PRICKLE1: variants seen among roughly 807,000 people sequenced by gnomAD.
PRICKLE1 encodes prickle planar cell polarity protein 1, also known as prickle-like protein 1.
PRICKLE1 carries 14 observed loss-of-function variants against 70.2 expected under a neutral mutation model. The ratio of observed to expected loss-of-function variants is 0.20; its 90% CI spans 0.13 to 0.31. The LOEUF (loss-of-function observed/expected upper bound fraction) is 0.31. PRICKLE1 is among the 10% of genes least tolerant of loss of function. The probability of loss-of-function intolerance (pLI) is 1.00; values close to 1 mark genes in which losing one functional copy is unlikely to be tolerated. For synonymous variants in PRICKLE1, 357 were observed against 379.9 expected (o/e 0.94, Z 0.70); for missense variants, 821 against 1,026.2 (o/e 0.80, Z 2.73).
rs563880241 is a variant in PRICKLE1, at chr12:42,491,727, A to T, written c.-48-19163T>A. Reference sequence around the variant, plus strand: ...CTAGTATGTTAAATGAGGGTGTGCAATCTAGTAGTTAGGGTTTTATACAAA... The same window carrying T: ...CTAGTATGTTAAATGAGGGTGTGCATTCTAGTAGTTAGGGTTTTATACAAA... On this transcript the variant is annotated intron_variant, in intron 1 of 7. Transcript: ENST00000345127. 1.0e-3 allele frequency among the ~76,000 whole-genome samples: 156 copies of T among 151,934 alleles called. 1 individual carries two copies. Among genetic ancestry groups the T allele is most frequent in the Non-Finnish European group, 1.6e-3 (111 of 67,964 alleles).
chr12:42,560,902 A>T (rs1269730908), intron 1 of PRICKLE1, among the ~76,000 whole-genome samples: 1 of 152,234 alleles, frequency 6.6e-6, no homozygotes, highest in Non-Finnish European at 1.5e-5. Flanking sequence ...AATTATTAAT[A>T]GAGTCCTATC....
intron 1 of PRICKLE1, among the ~76,000 whole-genome samples, chr12:42,490,803 T>A (rs536089868): frequency 6.6e-6 from 1 of 152,022 alleles, no homozygotes; most frequent in East Asian, 1.9e-4. Flanking sequence ...GGAATTGCCA[T>A]TTTTTTTCAC....
At chr12:42,504,802 G>A (rs953528040) in intron 1 of PRICKLE1, among the ~76,000 whole-genome samples, 2 of 151,938 alleles carry the variant, frequency 1.3e-5, no homozygotes, top group East Asian at 3.9e-4. Flanking sequence ...TTTTTCTCTC[G>A]TTGCAGACAG....
intron 1 of PRICKLE1, among the ~76,000 whole-genome samples, chr12:42,478,402 G>A (rs1669922): frequency 0.95 from 143,848 of 152,180 alleles, 68,289 homozygotes; most frequent in Non-Finnish European, 1. Context: ...GAAGGAGAAA[G>A]AAAAGCAAAA....
intron 1 of PRICKLE1, among the ~76,000 whole-genome samples, chr12:42,518,188 C>A (rs1939642661): frequency 6.6e-6 from 1 of 151,880 alleles, no homozygotes; most frequent in Middle Eastern, 3.2e-3. Context: ...GAAACACAGG[C>A]ATGCACCACC....
chr12:42,460,036 C>T lies in PRICKLE1; in HGVS notation c.2269G>A (p.Glu757Lys), dbSNP rs145860632. 9.1e-5 allele frequency: 147 copies of T among 1,614,070 alleles called. No individual in the cohort carries two copies. The African/African-American group carries it at 1.4e-3, about 15-fold the overall frequency. ...GMNRFLGLYG[E>K]DDDSWCSSSS... is the part of the protein sequence containing the mutation. ...GAAGAACACCAGGAATCATCATCCT[C>T]GCCGTAGAGTCCCAGAAACCGATTC... is the stretch of plus-strand genomic sequence containing the variant. Residue 757 changes from glutamate to lysine, a missense_variant, in exon 8 of 8, where the codon GAG becomes AAG. Physicochemically the swap from Glu to Lys is moderately conservative, Grantham distance 56. Transcript: ENST00000345127.
intron 1 of PRICKLE1, among the ~76,000 whole-genome samples, chr12:42,491,015 C>G (rs964818285): frequency 2.0e-5 from 3 of 151,562 alleles, no homozygotes; most frequent in African/African-American, 4.8e-5. Context: ...GCTGGGATTA[C>G]AGGTATGCGC....
At chr12:42,483,368 G>GC (rs1378920976) in intron 1 of PRICKLE1, 1 of 148,936 alleles carries the variant, frequency 6.7e-6, no homozygotes, top group Non-Finnish European at 1.5e-5. Flanking sequence ...CCAGACAGCG[G>GC]CTCCCACCTG....
chr12:42,498,176 C>CT (rs59478495), intron 1 of PRICKLE1, among the ~76,000 whole-genome samples: 25,480 of 137,728 alleles, frequency 0.19, 2,423 homozygotes, highest in East Asian at 0.27. Flanking sequence ...TTCTCTCTCT[C>CT]TTTTTTTTTT....
chr12:42,470,475 G>A (rs1358530168), intron 2 of PRICKLE1, 116 bp from the exon 3 acceptor site: 10 of 745,464 alleles, frequency 1.3e-5, no homozygotes, highest in Non-Finnish European at 2.2e-5. Context: ...TAGCTAATGA[G>A]AAGACCAGCT....
rs1937721138 is a variant in PRICKLE1, at chr12:42,459,705, G to T, written c.*104C>A. 1.5e-6 allele frequency: 2 copies of T among 1,351,758 alleles called. No individual in the cohort carries two copies. The highest frequency in any genetic ancestry group is 1.4e-5 in the African/African-American group (1 of 69,232). The allele number at this position is 1,351,758 out of a possible 1,614,324, so 83.7% of individuals were successfully genotyped here. On this transcript the variant is annotated 3_prime_UTR_variant, in exon 8 of 8. Transcript: ENST00000345127. Reference sequence around the variant, plus strand: ...TTGAGTTCTCATTTACATGGGCAAAGAAAGCACTTTAAACTATTTTCACAA... The same window carrying T: ...TTGAGTTCTCATTTACATGGGCAAATAAAGCACTTTAAACTATTTTCACAA...
intron 1 of PRICKLE1, among the ~76,000 whole-genome samples, chr12:42,553,392 C>T (rs113333968): frequency 0.048 from 7,318 of 151,170 alleles, 196 homozygotes; most frequent in African/African-American, 0.063. Flanking sequence ...TGCAGTGAGC[C>T]GAGATCACGC....
intron 1 of PRICKLE1, among the ~76,000 whole-genome samples, chr12:42,548,827 G>C (rs1940256101): frequency 6.6e-6 from 1 of 152,066 alleles, no homozygotes; most frequent in Non-Finnish European, 1.5e-5. Flanking sequence ...CTTGGTTTAA[G>C]AAGAAGGGTG....
At chr12:42,507,913 A>G (rs1160576470) in intron 1 of PRICKLE1, among the ~76,000 whole-genome samples, 1 of 152,254 alleles carries the variant, frequency 6.6e-6, no homozygotes, top group African/African-American at 2.4e-5. Flanking sequence ...GTATAAGATT[A>G]TAGCTCCTGT....
chr12:42,568,839 T>C (rs1940663700), intron 1 of PRICKLE1, among the ~76,000 whole-genome samples: 1 of 151,300 alleles, frequency 6.6e-6, no homozygotes, highest in South Asian at 2.1e-4. Flanking sequence ...TCAACCCTCT[T>C]CTACCCTCCC....
Position 42,465,201 on chromosome 12 carries a change from C to T in PRICKLE1, c.833G>A (p.Cys278Tyr). The change falls in exon 7 of 8, where the codon TGC becomes TAC. Residue 278 changes from cysteine to tyrosine, a missense_variant. By Grantham distance (194) the Cys-to-Tyr change is radical. Coordinates refer to ENST00000345127, the MANE Select transcript of PRICKLE1 (RefSeq NM_153026.3). ...DGQHWHATEACFSCAQCKASL... is the reference protein window; with the variant it reads ...DGQHWHATEAYFSCAQCKASL... Reference sequence around the variant, plus strand: ...GGCTTTACACTGGGCACAAGAAAAGCAGGCTTCCGTGGCGTGCCAGTGCTG... The same window carrying T: ...GGCTTTACACTGGGCACAAGAAAAGTAGGCTTCCGTGGCGTGCCAGTGCTG... The T allele has an allele frequency of 1.2e-6, 2 of 1,611,278 alleles. No individual in the cohort carries two copies. The highest frequency in any genetic ancestry group is 1.7e-6 in the Non-Finnish European group (2 of 1,179,278).
At position 42,502,170 on chromosome 12, in the gene PRICKLE1, TAC is replaced by T. The variant is rs976361232; in HGVS notation, c.-48-29608_-48-29607del. 3.5e-4 allele frequency among the ~76,000 whole-genome samples: 53 copies of T among 151,432 alleles called. 1 individual carries two copies. The East Asian group carries it at 9.5e-3, about 27-fold the overall frequency. On this transcript the variant is annotated intron_variant, in intron 1 of 7. Coordinates refer to ENST00000345127, the MANE Select transcript of PRICKLE1 (RefSeq NM_153026.3). Reference sequence around the variant, plus strand: ...ATATGTATATACACCTATATATATATACACACACACACCTATACATATATACA... The same window carrying T: ...ATATGTATATACACCTATATATATATACACACACACCTATACATATATACA...
chr12:42,550,947 A>G (rs1052135788), intron 1 of PRICKLE1, among the ~76,000 whole-genome samples: 2 of 152,192 alleles, frequency 1.3e-5, no homozygotes, highest in Non-Finnish European at 2.9e-5. Context: ...AATTGCAATC[A>G]TTTACTTTCC....
At chr12:42,570,755 G>T (rs920595140) in intron 1 of PRICKLE1, among the ~76,000 whole-genome samples, 21 of 152,190 alleles carry the variant, frequency 1.4e-4, no homozygotes, top group African/African-American at 5.1e-4. Context: ...GGGAGGCGGA[G>T]GTTGCAGTGA....
Sources: allele counts gnomAD v4.1 joint callset (sites outside exome capture counted in the v4.1 genomes callset), GRCh38; gene constraint gnomAD v4.1.1; transcripts MANE v1.5; gene names NCBI Gene and HGNC (gene_info 2026-07-23, HGNC 2026-07-21).